The following RPS6KC1 variants were observed in gnomAD, a reference collection of about 807,000 sequenced individuals.
The protein encoded by RPS6KC1 is inactive ribosomal protein S6 kinase delta-1.
In RPS6KC1, 54 loss-of-function variants were observed where a neutral mutation model predicts 103.8. That is an observed-to-expected ratio of 0.52 (90% CI 0.42 to 0.65). The LOEUF (loss-of-function observed/expected upper bound fraction) is 0.65, where lower values mean the gene tolerates loss of function less well. Among genes scored for constraint, RPS6KC1 ranks in the 30% least tolerant of loss-of-function variants. The probability of loss-of-function intolerance (pLI) is 0.00; values close to 1 mark genes in which losing one functional copy is unlikely to be tolerated. For synonymous variants in RPS6KC1, 439 were observed against 438.7 expected, an observed-to-expected ratio of 1.00 and a Z score of -0.01; for missense variants, 1,151 against 1,253.8, an observed-to-expected ratio of 0.92 and a Z score of 1.24.
the RPS6KC1 span, among the ~76,000 whole-genome samples, chr1:213,307,342 C>T: frequency 6.6e-6 from 1 of 152,104 alleles, no homozygotes; most frequent in African/African-American, 2.4e-5. Context: ...TGAGTCGCCG[C>T]GCCTGGCCAG....
At chr1:213,699,972 G>A in the RPS6KC1 span, among the ~76,000 whole-genome samples, 3 of 151,756 alleles carry the variant, frequency 2.0e-5, no homozygotes, top group Admixed American at 2.0e-4. Flanking sequence ...TGAGTAGTTT[G>A]CAAATATTTT....
At chr1:213,074,861 T>TC (rs1222862030) in intron 2 of RPS6KC1, among the ~76,000 whole-genome samples, 2 of 131,434 alleles carry the variant, frequency 1.5e-5, no homozygotes, top group East Asian at 4.2e-4. Flanking sequence ...TTTTTTTTTT[T>TC]TTTTTTTTTT....
chr1:213,328,652 G>A, the RPS6KC1 span, among the ~76,000 whole-genome samples: 1 of 151,156 alleles, frequency 6.6e-6, no homozygotes, highest in Non-Finnish European at 1.5e-5. Context: ...AGAGAGAAGG[G>A]GACGAGAATA....
chr1:213,528,461 G>A, the RPS6KC1 span, among the ~76,000 whole-genome samples: 2 of 152,092 alleles, frequency 1.3e-5, no homozygotes, highest in African/African-American at 4.8e-5. Flanking sequence ...GATTTGGGTG[G>A]GGACACAGCC....
chr1:213,803,448 TG>T, the RPS6KC1 span, among the ~76,000 whole-genome samples: 1 of 152,096 alleles, frequency 6.6e-6, no homozygotes, highest in Non-Finnish European at 1.5e-5. Context: ...GGTTTCACTA[TG>T]GTGGCCAGGC....
At chr1:213,595,156 C>T in the RPS6KC1 span, among the ~76,000 whole-genome samples, 4 of 152,182 alleles carry the variant, frequency 2.6e-5, no homozygotes, top group East Asian at 7.7e-4. Flanking sequence ...GACTCTTCCT[C>T]TTCTTTGTGT....
At chr1:213,613,352 T>G in the RPS6KC1 span, among the ~76,000 whole-genome samples, 1 of 152,178 alleles carries the variant, frequency 6.6e-6, no homozygotes, top group Non-Finnish European at 1.5e-5. Flanking sequence ...AAAGCACCAG[T>G]CACGATCTAC....
At chr1:213,732,310 G>A in the RPS6KC1 span, among the ~76,000 whole-genome samples, 7 of 151,930 alleles carry the variant, frequency 4.6e-5, no homozygotes, top group African/African-American at 7.3e-5. Context: ...AGAGGAAAAA[G>A]TGTCACAAAG....
chr1:213,368,792 C>G, the RPS6KC1 span, among the ~76,000 whole-genome samples: 3 of 152,214 alleles, frequency 2.0e-5, no homozygotes, highest in African/African-American at 4.8e-5. Context: ...GAGAGAAATG[C>G]TGCTTTGCTT....
the RPS6KC1 span, among the ~76,000 whole-genome samples, chr1:213,289,856 C>T: frequency 6.6e-6 from 1 of 152,008 alleles, no homozygotes; most frequent in Admixed American, 6.5e-5. Context: ...CTGGCCAACA[C>T]GGTGAAACCC....
the RPS6KC1 span, among the ~76,000 whole-genome samples, chr1:213,379,794 T>C: frequency 3.3e-5 from 5 of 152,110 alleles, no homozygotes; most frequent in East Asian, 7.8e-4. Context: ...TCACACCAGT[T>C]ACAATATCTA....
the RPS6KC1 span, among the ~76,000 whole-genome samples, chr1:213,607,688 TACACACACACACACACACAC>T: frequency 5.0e-5 from 7 of 140,904 alleles, no homozygotes; most frequent in Admixed American, 1.4e-4. Context: ...CAGTTGCAAT[TACACACACACACACACACAC>T]ACACACACAC....
intron 5 of RPS6KC1, among the ~76,000 whole-genome samples, chr1:213,119,023 G>A (rs1390690652): frequency 2.0e-5 from 3 of 151,864 alleles, no homozygotes; most frequent in Admixed American, 6.6e-5. Flanking sequence ...CAGTTTCCTC[G>A]GAAGGTGACT....
the RPS6KC1 span, among the ~76,000 whole-genome samples, chr1:213,384,429 T>C: frequency 6.6e-6 from 1 of 152,096 alleles, no homozygotes; most frequent in Non-Finnish European, 1.5e-5. Context: ...CTGAGGAGCC[T>C]CCAGGTCTGT....
chr1:213,420,107 TC>T, the RPS6KC1 span, among the ~76,000 whole-genome samples: 38 of 152,296 alleles, frequency 2.5e-4, no homozygotes, highest in African/African-American at 8.2e-4. Context: ...TTCCTGGAGT[TC>T]CTTTGCAAAG....
At chr1:213,345,728 T>G in the RPS6KC1 span, among the ~76,000 whole-genome samples, 1 of 152,222 alleles carries the variant, frequency 6.6e-6, no homozygotes, top group African/African-American at 2.4e-5. Flanking sequence ...TCAAGCCATC[T>G]GAGGTGGCTT....
the RPS6KC1 span, among the ~76,000 whole-genome samples, chr1:213,795,647 T>C: frequency 1.3e-5 from 2 of 152,180 alleles, no homozygotes; most frequent in African/African-American, 2.4e-5. Flanking sequence ...ATTCTGTTGT[T>C]TCTGTTTCGT....
the RPS6KC1 span, among the ~76,000 whole-genome samples, chr1:213,400,233 T>C: frequency 6.6e-6 from 1 of 152,114 alleles, no homozygotes; most frequent in Admixed American, 6.5e-5. Flanking sequence ...AGAAATTGCC[T>C]GGGGGTTGAA....
At chr1:213,361,072 C>G in the RPS6KC1 span, among the ~76,000 whole-genome samples, 1 of 152,240 alleles carries the variant, frequency 6.6e-6, no homozygotes, top group Non-Finnish European at 1.5e-5. Flanking sequence ...AGAACCACTA[C>G]TCTCTTCAGA....
Sources: gnomAD v4.1 joint callset for allele counts (sites outside exome capture counted in the v4.1 genomes callset) on GRCh38, gnomAD v4.1.1 for gene constraint, MANE v1.5 for transcripts, NCBI Gene and HGNC (gene_info 2026-07-23, HGNC 2026-07-21) for gene names.